SERPINB10: variants seen among roughly 807,000 people sequenced by gnomAD.
SERPINB10 encodes serpin B10.
Under a neutral mutation model 39.1 loss-of-function variants are expected in SERPINB10, and 35 were observed. The observed-to-expected ratio is 0.90, with a 90% CI of 0.68 to 1.19. The LOEUF is 1.19. Ranked by LOEUF, SERPINB10 falls within the 50% of genes most tolerant of loss-of-function variation. The pLI is 0.00. For missense variants in SERPINB10, 546 were observed against 460.5 expected (o/e 1.19, Z -1.70); for synonymous variants, 190 against 158.1 (o/e 1.20, Z -1.52).
intron 1 of SERPINB10, 66 bp from the exon 2 acceptor site, chr18:63,915,436 T>A: frequency 1.6e-6 from 2 of 1,229,672 alleles, no homozygotes; most frequent in Non-Finnish European, 2.3e-6. Context: ...TGAATACATA[T>A]TTTTTCAAAG....
Position 63,915,697 on chromosome 18 carries a change from C to T in SERPINB10, c.168+19C>T. 1 of 1,582,208 alleles carries T rather than the reference C, an allele frequency of 6.3e-7. No homozygotes were observed. Among genetic ancestry groups the T allele is most frequent in the Non-Finnish European group, 8.6e-7 (1 of 1,159,802 alleles). On this transcript the variant is annotated intron_variant, in intron 2 of 7. Transcript: ENST00000238508. Reference sequence around the variant, plus strand: ...GGCCCAGGTGAGTGGAAAAGGTCAACTATCTTCTGTTTCTTGTAAGCTAAG... The same window carrying T: ...GGCCCAGGTGAGTGGAAAAGGTCAATTATCTTCTGTTTCTTGTAAGCTAAG...
intron 2 of SERPINB10, 89 bp downstream of exon 2, chr18:63,915,767 T>C (rs1206496176): frequency 1.8e-6 from 2 of 1,099,304 alleles, no homozygotes; most frequent in Non-Finnish European, 1.3e-6. Flanking sequence ...GACAACTCAA[T>C]AATTTACATT....
At chr18:63,909,105 G>T (rs1250579292) in intron 1 of SERPINB10, among the ~76,000 whole-genome samples, 5 of 152,010 alleles carry the variant, frequency 3.3e-5, no homozygotes, top group Non-Finnish European at 7.4e-5. Context: ...ATGCGATGAT[G>T]AAATGTCTAT....
intron 5 of SERPINB10, among the ~76,000 whole-genome samples, chr18:63,921,020 G>A (rs1416716224): frequency 6.6e-5 from 10 of 151,878 alleles, no homozygotes; most frequent in Admixed American, 6.6e-4. Flanking sequence ...ATAGGATTTC[G>A]AATATAAGTC....
intron 5 of SERPINB10, among the ~76,000 whole-genome samples, chr18:63,924,714 C>T (rs2050168795): frequency 6.6e-6 from 1 of 151,950 alleles, no homozygotes; most frequent in South Asian, 2.1e-4. Flanking sequence ...ACCCCAACCT[C>T]CCAAGAAGTC....
At chr18:63,911,049 G>A (rs1336457719) in intron 1 of SERPINB10, among the ~76,000 whole-genome samples, 3 of 152,008 alleles carry the variant, frequency 2.0e-5, no homozygotes, top group African/African-American at 7.2e-5. Context: ...GATTAATGAT[G>A]TTGAGCATTT....
At chr18:63,926,087 C>G (rs1041231465) in intron 5 of SERPINB10, among the ~76,000 whole-genome samples, 26 of 151,992 alleles carry the variant, frequency 1.7e-4, no homozygotes, top group African/African-American at 6.0e-4. Context: ...TATTCTCTCA[C>G]AGTTTTGGGG....
At chr18:63,933,015 T>C in intron 6 of SERPINB10, 33 bp from the exon 7 acceptor site, 1 of 1,595,150 alleles carries the variant, frequency 6.3e-7, no homozygotes, top group South Asian at 1.1e-5. Context: ...AATGACCTTG[T>C]TACCTGTTTT....
intron 5 of SERPINB10, among the ~76,000 whole-genome samples, chr18:63,922,296 A>G (rs2050152114): frequency 6.6e-6 from 1 of 152,110 alleles, no homozygotes; most frequent in Non-Finnish European, 1.5e-5. Flanking sequence ...CCTGATTTGC[A>G]TTCATCTGAA....
At position 63,907,958 on chromosome 18, in the gene SERPINB10, A is replaced by C. The variant is rs1309471876; in HGVS notation, c.-92A>C. ...TTTTTTTTTTTTTTTTAATTTCTTC[A>C]GTTGAAAGTTTCTCAACTCTTCAGC... On this transcript the variant is annotated 5_prime_UTR_variant, in exon 1 of 8. Coordinates refer to ENST00000238508, the MANE Select transcript of SERPINB10 (RefSeq NM_005024.3). 3.3e-6 allele frequency: 1 copy of C among 300,860 alleles called. No individual in the cohort carries two copies. Among genetic ancestry groups the C allele is most frequent in the Non-Finnish European group, 6.8e-6 (1 of 147,218 alleles). The allele number at this position is 300,860 out of a possible 1,614,324, so 18.6% of individuals were successfully genotyped here. A position where few individuals can be genotyped will look rare whatever the true frequency, so the allele number is the denominator to read the frequency against.
At chr18:63,922,701 A>G (rs775839195) in intron 5 of SERPINB10, among the ~76,000 whole-genome samples, 3 of 151,960 alleles carry the variant, frequency 2.0e-5, no homozygotes, top group Admixed American at 6.6e-5. Flanking sequence ...CTGAAGGTAC[A>G]TAACAAAATC....
At chr18:63,911,984 T>G (rs1270375916) in intron 1 of SERPINB10, among the ~76,000 whole-genome samples, 1 of 152,036 alleles carries the variant, frequency 6.6e-6, no homozygotes, top group Non-Finnish European at 1.5e-5. Flanking sequence ...TTTGTAGAGA[T>G]CTTTCAATTT....
chr18:63,916,303 CAT>C (rs1212147710), intron 2 of SERPINB10, among the ~76,000 whole-genome samples: 1 of 147,040 alleles, frequency 6.8e-6, no homozygotes, highest in African/African-American at 2.5e-5. Flanking sequence ...TATATGAATA[CAT>C]ATATATATGC....
intron 1 of SERPINB10, 148 bp downstream of exon 1, chr18:63,908,188 G>A (rs1288331227): frequency 5.6e-6 from 1 of 179,602 alleles, no homozygotes; most frequent in Non-Finnish European, 1.3e-5. Flanking sequence ...GAATTTGTCT[G>A]TATAAGTCAG....
intron 5 of SERPINB10, among the ~76,000 whole-genome samples, chr18:63,927,752 T>C (rs2050191105): frequency 6.6e-6 from 1 of 152,148 alleles, no homozygotes; most frequent in African/African-American, 2.4e-5. Context: ...CTAATATATG[T>C]TTCTTGCATT....
In SERPINB10 at chr18:63,919,875, A is replaced by G. The variant is rs1393626667; in HGVS notation, c.460A>G (p.Ile154Val). The change falls in exon 5 of 8, where the codon ATC (isoleucine) becomes GTC (valine). Residue 154 changes from isoleucine to valine, a missense_variant. Physicochemically the swap from Ile to Val is conservative, Grantham distance 29 (BLOSUM62 3). Transcript: ENST00000238508. ...VEASDQIRKD[I>V]NSWVERQTEG... is the part of the protein sequence containing the mutation. ...AGCTTCTGATCAAATCAGAAAGGAC[A>G]TCAACTCTTGGGTTGAAAGACAGAC... 2 of 1,610,554 alleles carry G rather than the reference A, an allele frequency of 1.2e-6. No homozygotes were observed. Among genetic ancestry groups the G allele is most frequent in the Admixed American group, 1.7e-5 (1 of 59,664 alleles).
chr18:63,909,143 T>C lies in SERPINB10; in HGVS notation c.-10+1103T>C, dbSNP rs151049725. Among the ~76,000 whole-genome samples the C allele has an allele frequency of 5.8e-3, 880 of 152,142 alleles. 3 individuals are homozygous for C. Among genetic ancestry groups the C allele is most frequent in the Admixed American group, 6.8e-3 (104 of 15,244 alleles). ...TGAGACATTTTGATGAATGACACTA[T>C]CCTTTTCTTGCTTTCTTAATTCTCT... On this transcript the variant is annotated intron_variant, in intron 1 of 7. Coordinates refer to ENST00000238508, the MANE Select transcript of SERPINB10 (RefSeq NM_005024.3).
rs2050251873 is a variant in SERPINB10, at chr18:63,935,028, C to T, written c.980C>T (p.Ser327Leu). ...AAAGCTGATTTCTCAGGAATGTCTT[C>T]AGCAAGAAACCTATTTTTGTCCAAT... is the stretch of plus-strand genomic sequence containing the variant. ...QSKADFSGMSSARNLFLSNVF... is the reference protein window; with the variant it reads ...QSKADFSGMSLARNLFLSNVF... Residue 327 changes from serine to leucine, a missense_variant, in exon 8 of 8, where the codon TCA becomes TTA. Coordinates refer to ENST00000238508, the MANE Select transcript of SERPINB10 (RefSeq NM_005024.3). The T allele has an allele frequency of 1.2e-6, 2 of 1,614,192 alleles. No individual in the cohort carries two copies. The highest frequency in any genetic ancestry group is 1.7e-5 in the Admixed American group (1 of 60,024).
At chr18:63,932,267 T>G (rs1989731) in intron 6 of SERPINB10, among the ~76,000 whole-genome samples, 1 of 151,966 alleles carries the variant, frequency 6.6e-6, no homozygotes, top group Non-Finnish European at 1.5e-5. Flanking sequence ...TTTGAGTAAA[T>G]ACCTAGGAAC....
Sources: allele counts gnomAD v4.1 joint callset (sites outside exome capture counted in the v4.1 genomes callset), GRCh38; gene constraint gnomAD v4.1.1; transcripts MANE v1.5; gene names NCBI Gene and HGNC (gene_info 2026-07-23, HGNC 2026-07-21).